EEFSEC: variants seen among roughly 807,000 people sequenced by gnomAD.
EEFSEC encodes the protein eukaryotic elongation factor, selenocysteine-tRNA specific.
A neutral mutation model predicts 42.1 loss-of-function variants in EEFSEC; 43 were observed. The ratio of observed to expected loss-of-function variants is 1.02; its 90% confidence interval spans 0.80 to 1.32. The LOEUF (loss-of-function observed/expected upper bound fraction) is 1.32. Ranked by LOEUF, EEFSEC falls within the 40% of genes most tolerant of loss-of-function variation. The pLI is 0.00. For missense variants in EEFSEC, 745 were observed against 803.6 expected (o/e 0.93, Z 0.88); for synonymous variants, 354 against 339.1 (o/e 1.04, Z -0.48).
chr3:128,331,719 T>G (rs1482192478), intron 4 of EEFSEC, among the ~76,000 whole-genome samples: 1 of 152,130 alleles, frequency 6.6e-6, no homozygotes, highest in Non-Finnish European at 1.5e-5. Context: ...TTTTTCCTGG[T>G]AATTGGAAAC....
At chr3:128,371,707 C>T (rs1432444979) in intron 6 of EEFSEC, among the ~76,000 whole-genome samples, 3 of 152,292 alleles carry the variant, frequency 2.0e-5, no homozygotes, top group African/African-American at 4.8e-5. Context: ...AGGGTGATGT[C>T]CAGAATAGAT....
intron 6 of EEFSEC, among the ~76,000 whole-genome samples, chr3:128,367,067 C>T (rs2067598885): frequency 6.6e-6 from 1 of 152,210 alleles, no homozygotes; most frequent in African/African-American, 2.4e-5. Flanking sequence ...ATGGCTGTCC[C>T]TCTGTGCGTG....
At chr3:128,214,760 C>T (rs1313979347) in intron 1 of EEFSEC, among the ~76,000 whole-genome samples, 1 of 152,180 alleles carries the variant, frequency 6.6e-6, no homozygotes, top group Non-Finnish European at 1.5e-5. Flanking sequence ...TACCTGGGAT[C>T]TCTTCATTTC....
rs538251576 is a variant in EEFSEC at position 128,305,422 on chromosome 3, T to C, written c.787-35811T>C. ...TGGAAGGTTTTCTCCTTTATTCTTTTTAAACAGTTAAAATAGTTATCTATT... is the reference window on the plus strand; with the variant it reads ...TGGAAGGTTTTCTCCTTTATTCTTTCTAAACAGTTAAAATAGTTATCTATT... On this transcript the variant is annotated intron_variant, in intron 4 of 6. Coordinates refer to ENST00000254730, the MANE Select transcript of EEFSEC (RefSeq NM_021937.5). 1.3e-4 allele frequency among the ~76,000 whole-genome samples: 20 copies of C among 152,352 alleles called. No individual in the cohort carries two copies. The East Asian group carries it at 3.7e-3, about 28-fold the overall frequency.
At chr3:128,373,066 T>A (rs903042206) in intron 6 of EEFSEC, among the ~76,000 whole-genome samples, 13 of 152,194 alleles carry the variant, frequency 8.5e-5, no homozygotes, top group African/African-American at 3.1e-4. Flanking sequence ...GAGTGTTTCC[T>A]GAAGAGCGTC....
intron 6 of EEFSEC, among the ~76,000 whole-genome samples, chr3:128,401,514 CT>C (rs2068047637): frequency 6.6e-6 from 1 of 152,204 alleles, no homozygotes; most frequent in Non-Finnish European, 1.5e-5. Context: ...TGAGGGGCAC[CT>C]TCCCAAGGGG....
chr3:128,343,448 C>T (rs1468295200), intron 5 of EEFSEC, among the ~76,000 whole-genome samples: 1 of 152,156 alleles, frequency 6.6e-6, no homozygotes, highest in Non-Finnish European at 1.5e-5. Context: ...AGCTTGGACC[C>T]TTAGCTCCGG....
At chr3:128,308,225 C>A (rs891502952) in intron 4 of EEFSEC, among the ~76,000 whole-genome samples, 2 of 152,190 alleles carry the variant, frequency 1.3e-5, no homozygotes, top group African/African-American at 4.8e-5. Context: ...TTATATGATG[C>A]CCAGTGGCCC....
Position 128,317,457 on chromosome 3 carries a change from T to C in EEFSEC, c.787-23776T>C, listed in dbSNP as rs1232576725. ...TGAGAACTGTGGACATGCTCAGGGA[T>C]CAGCACAAGGGCCCCTCTGGGGCTG... On this transcript the variant is annotated intron_variant, in intron 4 of 6. Transcript: ENST00000254730. The surrounding 1 kb of genome is among the most constrained non-coding windows in gnomAD (Gnocchi z 4.1). 6.6e-6 allele frequency among the ~76,000 whole-genome samples: 1 copy of C among 152,184 alleles called. No individual in the cohort carries two copies. Among genetic ancestry groups the C allele is most frequent in the Non-Finnish European group, 1.5e-5 (1 of 68,018 alleles).
At chr3:128,299,837 T>G (rs946681006) in intron 4 of EEFSEC, among the ~76,000 whole-genome samples, 2 of 152,138 alleles carry the variant, frequency 1.3e-5, no homozygotes, top group African/African-American at 4.8e-5. Flanking sequence ...TTTCATAGAG[T>G]TACTGTGAGG....
intron 6 of EEFSEC, among the ~76,000 whole-genome samples, chr3:128,407,634 C>T (rs1490449669): frequency 6.6e-6 from 1 of 152,170 alleles, no homozygotes; most frequent in Non-Finnish European, 1.5e-5. Flanking sequence ...TTGGGGCTTC[C>T]ACTGCTAAAC....
intron 6 of EEFSEC, among the ~76,000 whole-genome samples, chr3:128,361,941 T>G (rs932584451): frequency 2.0e-5 from 3 of 151,816 alleles, no homozygotes; most frequent in Non-Finnish European, 4.4e-5. Flanking sequence ...TAGGGTGGAG[T>G]GAGTCTTGTT....
chr3:128,273,459 A>C (rs2066435127), intron 4 of EEFSEC, among the ~76,000 whole-genome samples: 2 of 152,222 alleles, frequency 1.3e-5, no homozygotes, highest in South Asian at 4.1e-4. Context: ...CTGCCCCTGC[A>C]GGCCTTTTTC....
At chr3:128,272,139 A>G (rs1247714190) in intron 4 of EEFSEC, among the ~76,000 whole-genome samples, 1 of 152,172 alleles carries the variant, frequency 6.6e-6, no homozygotes, top group Non-Finnish European at 1.5e-5. Flanking sequence ...TGGGCCACAC[A>G]CTCAGGTGGC....
chr3:128,264,933 C>T (rs893687250), intron 4 of EEFSEC, 152 bp downstream of exon 4: 51 of 866,318 alleles, frequency 5.9e-5, no homozygotes, highest in Non-Finnish European at 8.1e-5. Context: ...GGCTGCCTGG[C>T]CCCGCCCGGC....
At chr3:128,217,600 C>T (rs2065822781) in intron 1 of EEFSEC, among the ~76,000 whole-genome samples, 1 of 152,186 alleles carries the variant, frequency 6.6e-6, no homozygotes. Context: ...TGCTCCCTTC[C>T]CCAGGGCCTG....
At chr3:128,341,184 GC>G in intron 4 of EEFSEC, 48 bp from the exon 5 acceptor site, 1 of 1,549,514 alleles carries the variant, frequency 6.5e-7, no homozygotes, top group Non-Finnish European at 8.7e-7. Flanking sequence ...CCTCCCCACA[GC>G]CCCGAGGCTT....
chr3:128,334,628 C>T (rs945271866), intron 4 of EEFSEC, among the ~76,000 whole-genome samples: 1 of 152,196 alleles, frequency 6.6e-6, no homozygotes, highest in East Asian at 1.9e-4. Context: ...GAATAACTGA[C>T]CCAGAGGATG....
chr3:128,197,352 C>T (rs554299700), intron 1 of EEFSEC, among the ~76,000 whole-genome samples: 2 of 152,252 alleles, frequency 1.3e-5, no homozygotes, highest in East Asian at 3.9e-4. Context: ...CTCACTGCAA[C>T]CTCTGCTTTC....
Sources: allele counts gnomAD v4.1 joint callset (sites outside exome capture counted in the v4.1 genomes callset), GRCh38; gene constraint gnomAD v4.1.1; non-coding constraint Gnocchi (gnomAD v3.1); transcripts MANE v1.5; gene names NCBI Gene and HGNC (gene_info 2026-07-23, HGNC 2026-07-21).